Variants in TULP4 observed in about 807,000 individuals in gnomAD.
TULP4 encodes TUB like protein 4, also known as tubby-related protein 4.
Under a neutral mutation model 129.0 loss-of-function variants are expected in TULP4, and 16 were observed. That is an observed-to-expected ratio of 0.12 (90% CI 0.08 to 0.19). The LOEUF (loss-of-function observed/expected upper bound fraction) is 0.19, where lower values mean the gene tolerates loss of function less well. Among genes scored for constraint, TULP4 ranks in the 10% least tolerant of loss-of-function variants. The probability of loss-of-function intolerance (pLI) is 1.00; values close to 1 mark genes in which losing one functional copy is unlikely to be tolerated. For missense variants in TULP4, 1,842 were observed against 2,059.1 expected, an observed-to-expected ratio of 0.89 and a Z score of 2.04; for synonymous variants, 998 against 854.0, an observed-to-expected ratio of 1.17 and a Z score of -2.94.
At chr6:158,289,432 ACT>A (rs1454582285) in intron 1 of TULP4, among the ~76,000 whole-genome samples, 20 of 147,026 alleles carry the variant, frequency 1.4e-4, no homozygotes, top group Non-Finnish European at 4.5e-5. Context: ...TTCTTCCTTT[ACT>A]CTCTTTTGGT....
chr6:158,329,082 A>T (rs1430606266), intron 1 of TULP4, among the ~76,000 whole-genome samples: 2 of 152,200 alleles, frequency 1.3e-5, no homozygotes, highest in Non-Finnish European at 2.9e-5. Context: ...CCTTGACTCC[A>T]AACTTCCAAA....
chr6:158,262,344 T>G (rs191572420), intron 1 of TULP4, among the ~76,000 whole-genome samples: 162 of 152,304 alleles, frequency 1.1e-3, no homozygotes, highest in African/African-American at 3.8e-3. Context: ...GTGGGCTGCC[T>G]GCTCCTTAGG....
intron 1 of TULP4, among the ~76,000 whole-genome samples, chr6:158,345,502 G>T (rs910002467): frequency 6.6e-6 from 1 of 152,186 alleles, no homozygotes; most frequent in African/African-American, 2.4e-5. Flanking sequence ...CAGCTGGGCC[G>T]CCAGGCGTGA....
intron 6 of TULP4, among the ~76,000 whole-genome samples, chr6:158,468,550 T>TA (rs1419784260): frequency 1.1e-4 from 17 of 152,300 alleles, no homozygotes; most frequent in Non-Finnish European, 1.5e-5. Flanking sequence ...TAATTTCTTT[T>TA]AAAAAAATTA....
At chr6:158,450,767 AAAC>A (rs1779146592) in intron 4 of TULP4, among the ~76,000 whole-genome samples, 1 of 152,020 alleles carries the variant, frequency 6.6e-6, no homozygotes, top group Non-Finnish European at 1.5e-5. Context: ...AAAAAAAAGA[AAAC>A]AAGGGACTGG....
At chr6:158,246,372 G>A (rs1405229185) in intron 1 of TULP4, among the ~76,000 whole-genome samples, 1 of 151,808 alleles carries the variant, frequency 6.6e-6, no homozygotes, top group African/African-American at 2.4e-5. Flanking sequence ...GGCGCCTGTA[G>A]TCCCAGCTAC....
chr6:158,419,292 T>C (rs1778283815), intron 2 of TULP4, among the ~76,000 whole-genome samples: 1 of 152,244 alleles, frequency 6.6e-6, no homozygotes, highest in Non-Finnish European at 1.5e-5. Flanking sequence ...TTTGTTCATT[T>C]ATTTTCTCAT....
chr6:158,426,350 G>A (rs1402379450), intron 2 of TULP4, among the ~76,000 whole-genome samples: 2 of 152,138 alleles, frequency 1.3e-5, no homozygotes, highest in Non-Finnish European at 2.9e-5. Flanking sequence ...GGTTTTTATT[G>A]TTTGGGTTTT....
At chr6:158,414,503 T>C (rs1205099910) in intron 2 of TULP4, among the ~76,000 whole-genome samples, 1 of 118,462 alleles carries the variant, frequency 8.4e-6, no homozygotes, top group Non-Finnish European at 2.1e-5. Flanking sequence ...CTGTAGCATG[T>C]GGAGGTTCTA....
chr6:158,331,356 C>T (rs748912965), intron 1 of TULP4, among the ~76,000 whole-genome samples: 4 of 152,030 alleles, frequency 2.6e-5, no homozygotes, highest in Non-Finnish European at 5.9e-5. Flanking sequence ...CTTGGATTTC[C>T]ACTTTTTTCT....
intron 8 of TULP4, among the ~76,000 whole-genome samples, chr6:158,485,208 T>A (rs1360599270): frequency 6.6e-6 from 1 of 152,164 alleles, no homozygotes; most frequent in East Asian, 1.9e-4. Flanking sequence ...GTAAGCAAAG[T>A]GTTGAAGGAG....
chr6:158,328,461 C>CT (rs200161312), intron 1 of TULP4, among the ~76,000 whole-genome samples: 3,678 of 152,282 alleles, frequency 0.024, 57 homozygotes, highest in Middle Eastern at 0.054. Context: ...ATCCTTGTCA[C>CT]TATCTCTGCT....
chr6:158,311,432 C>G (rs1779350698), upstream of TULP4, among the ~76,000 whole-genome samples: 3 of 152,140 alleles, frequency 2.0e-5, no homozygotes, highest in Admixed American at 1.3e-4. Flanking sequence ...TGTGATGCAG[C>G]CTGGACTTCA....
upstream of TULP4, among the ~76,000 whole-genome samples, chr6:158,307,885 T>A (rs548479607): frequency 4.6e-5 from 7 of 152,138 alleles, 1 homozygote; most frequent in East Asian, 1.3e-3. Flanking sequence ...ATAAAAAAAA[T>A]CACATTTATT....
chr6:158,423,610 T>TTTG (rs139327095), intron 2 of TULP4, among the ~76,000 whole-genome samples: 37,541 of 145,180 alleles, frequency 0.26, 5,717 homozygotes, highest in Middle Eastern at 0.35. Flanking sequence ...TTTAAACTTG[T>TTTG]TTGTTGTTAT....
At chr6:158,321,430 C>T (rs182673135) in intron 1 of TULP4, among the ~76,000 whole-genome samples, 11 of 152,306 alleles carry the variant, frequency 7.2e-5, no homozygotes, top group Admixed American at 6.5e-5. Flanking sequence ...TCTGCCATCT[C>T]CTTCTAGTTC....
At chr6:158,403,832 T>C (rs1206407067) in intron 1 of TULP4, among the ~76,000 whole-genome samples, 1 of 152,204 alleles carries the variant, frequency 6.6e-6, no homozygotes, top group Non-Finnish European at 1.5e-5. Flanking sequence ...CAACAACAAC[T>C]CTTCTCATTA....
chr6:158,421,974 T>G lies in TULP4; in HGVS notation c.382-7762T>G, dbSNP rs765544929. On this transcript the variant is annotated intron_variant, in intron 2 of 13. Transcript: ENST00000367097. The stretch of plus-strand genomic sequence containing the variant: ...GTATACCGGAATTTGTGAGATATGA[T>G]TAAAGTGGTGCTGTGAGAGAAATGT... Among the ~76,000 whole-genome samples the G allele has an allele frequency of 2.6e-5, 4 of 152,136 alleles. No individual in the cohort carries two copies. The South Asian group carries it at 8.3e-4, about 31-fold the overall frequency.
At chr6:158,473,290 C>T (rs1779734025) in intron 6 of TULP4, among the ~76,000 whole-genome samples, 1 of 152,202 alleles carries the variant, frequency 6.6e-6, no homozygotes, top group Non-Finnish European at 1.5e-5. Context: ...TTGTGCTTTT[C>T]CCATTTTTTC....
Sources: allele counts gnomAD v4.1 joint callset (sites outside exome capture counted in the v4.1 genomes callset), GRCh38; gene constraint gnomAD v4.1.1; transcripts MANE v1.5; gene names NCBI Gene and HGNC (gene_info 2026-07-23, HGNC 2026-07-21).